The following RELN variants were observed in gnomAD, a reference collection of about 807,000 sequenced individuals.
RELN encodes the protein reelin.
In RELN, 108 loss-of-function variants were observed where a neutral mutation model predicts 427.6. That is an observed-to-expected ratio of 0.25 (90% CI 0.22 to 0.30). The LOEUF is 0.30. Ranked by LOEUF, RELN falls within the 10% of genes least tolerant of loss-of-function variation. The pLI, the probability that RELN is intolerant of heterozygous loss-of-function variation, is 1.00. For synonymous variants in RELN, 1,524 were observed against 1,513.4 expected, an observed-to-expected ratio of 1.01 and a Z score of -0.16; for missense variants, 3,715 against 4,302.8, an observed-to-expected ratio of 0.86 and a Z score of 3.82.
chr7:103,610,899 G>C, intron 21 of RELN, 92 bp from the exon 22 acceptor site: 1 of 755,320 alleles, frequency 1.3e-6, no homozygotes, highest in Non-Finnish European at 2.4e-6. Context: ...AAAGACCTCA[G>C]AGAAATCTAA....
intron 2 of RELN, among the ~76,000 whole-genome samples, chr7:103,888,245 AT>A (rs141773120): frequency 0.47 from 55,448 of 117,432 alleles, 10,409 homozygotes; most frequent in East Asian, 0.54. Flanking sequence ...AGAAAAAAAA[AT>A]ATATATATAT....
At chr7:103,979,453 A>G (rs972398117) in intron 1 of RELN, among the ~76,000 whole-genome samples, 3 of 152,242 alleles carry the variant, frequency 2.0e-5, no homozygotes, top group Non-Finnish European at 4.4e-5. Context: ...AGGGCTGGAA[A>G]GGATGCTTAG....
intron 1 of RELN, among the ~76,000 whole-genome samples, chr7:103,960,603 T>C (rs1325604098): frequency 6.6e-6 from 1 of 152,210 alleles, no homozygotes; most frequent in Non-Finnish European, 1.5e-5. Context: ...AATGAATGGA[T>C]AGAATTCTCT....
In RELN at chr7:103,482,957, T is replaced by G. The variant is rs770478716; in HGVS notation, c.10196A>C (p.Lys3399Thr). 1 of 1,614,058 alleles carries G rather than the reference T, an allele frequency of 6.2e-7. No homozygotes were observed. The highest frequency in any genetic ancestry group is 8.5e-7 in the Non-Finnish European group (1 of 1,180,000). ...TTGCCACCAGCGCAGTAAGACTCCT[T>G]TCATCCGTGCCTCCCTGGGTCACAC... is the stretch of plus-strand genomic sequence containing the variant. ...SYNVPLEARM[K>T]GVLLRWWQPR... is the part of the protein sequence containing the mutation. The change falls in exon 63 of 65, where the codon AAA becomes ACA. Residue 3399 changes from lysine to threonine, a missense_variant. Lys to Thr is a moderately conservative substitution (Grantham distance 78). Around this residue, in one of 4 missense-constraint regions of RELN, gnomAD observed 195 missense variants for 281.3 expected, o/e 0.69. Coordinates refer to ENST00000428762, the MANE Select transcript of RELN (RefSeq NM_005045.4).
chr7:103,900,854 A>G (rs1003544806), intron 2 of RELN, among the ~76,000 whole-genome samples: 1 of 152,170 alleles, frequency 6.6e-6, no homozygotes, highest in Non-Finnish European at 1.5e-5. Context: ...AGATGGATCA[A>G]AAACTTAAAT....
intron 3 of RELN, among the ~76,000 whole-genome samples, chr7:103,826,997 CTTT>C (rs201344580): frequency 1.1e-4 from 14 of 130,750 alleles, no homozygotes; most frequent in Non-Finnish European, 1.3e-4. Flanking sequence ...TTTGCTATAG[CTTT>C]TTTTTTTTTT....
At chr7:103,619,555 C>T (rs1002423819) in intron 20 of RELN, among the ~76,000 whole-genome samples, 2 of 152,184 alleles carry the variant, frequency 1.3e-5, no homozygotes, top group African/African-American at 4.8e-5. Context: ...TTGGTGAGAT[C>T]ATGGTTTCAA....
At chr7:103,868,829 T>G (rs1329606546) in intron 2 of RELN, among the ~76,000 whole-genome samples, 2 of 152,132 alleles carry the variant, frequency 1.3e-5, no homozygotes, top group Non-Finnish European at 2.9e-5. Context: ...ATCTTTGTAA[T>G]AACCTTTGTC....
At chr7:103,775,300 A>G (rs1791710460) in intron 4 of RELN, among the ~76,000 whole-genome samples, 1 of 152,172 alleles carries the variant, frequency 6.6e-6, no homozygotes, top group Non-Finnish European at 1.5e-5. Flanking sequence ...CAGGATAAAA[A>G]TCTGTTAAAC....
chr7:103,752,557 CA>C (rs56659447), intron 5 of RELN, among the ~76,000 whole-genome samples: 49,100 of 151,486 alleles, frequency 0.32, 9,899 homozygotes, highest in African/African-American at 0.58. Context: ...TCCAGGTGCA[CA>C]ACCACCACAC....
chr7:103,713,871 A>G (rs1339363730), intron 8 of RELN, among the ~76,000 whole-genome samples: 1 of 152,196 alleles, frequency 6.6e-6, no homozygotes, highest in African/African-American at 2.4e-5. Flanking sequence ...AGCACTGTAG[A>G]AAAATGATTA....
At position 103,593,589 on chromosome 7, in the gene RELN, T is replaced by C. The variant is rs752075588; in HGVS notation, c.3912+93A>G. 21 of 1,098,678 alleles carry C rather than the reference T, an allele frequency of 1.9e-5. No homozygotes were observed. In the East Asian group the frequency reaches 3.8e-4, roughly 20 times the overall value. 68.1% of individuals were successfully genotyped at this position (1,098,678 alleles called of 1,614,324 possible). A position where few individuals can be genotyped will look rare whatever the true frequency, so the allele number is the denominator to read the frequency against. ...GGTGAGTCCCTTCTTTAATAGAATATGAAAAATTTGTGTTCTTTGTGAGTT... is the reference window on the plus strand; with the variant it reads ...GGTGAGTCCCTTCTTTAATAGAATACGAAAAATTTGTGTTCTTTGTGAGTT... On this transcript the variant is annotated intron_variant, in intron 27 of 64. Coordinates refer to ENST00000428762, the MANE Select transcript of RELN (RefSeq NM_005045.4).
At chr7:103,673,564 T>TAGTA (rs1833441812) in intron 11 of RELN, among the ~76,000 whole-genome samples, 2 of 152,204 alleles carry the variant, frequency 1.3e-5, no homozygotes, top group Non-Finnish European at 2.9e-5. Context: ...TTCTTGAATA[T>TAGTA]CTCATCTTCC....
chr7:103,745,101 C>T (rs954369776), intron 6 of RELN, among the ~76,000 whole-genome samples: 2 of 152,098 alleles, frequency 1.3e-5, no homozygotes, highest in African/African-American at 4.8e-5. Context: ...GGATGCAAGG[C>T]TGGTTCAATA....
intron 11 of RELN, among the ~76,000 whole-genome samples, chr7:103,675,377 A>G (rs1026500328): frequency 2.6e-5 from 4 of 152,208 alleles, no homozygotes; most frequent in African/African-American, 7.2e-5. Context: ...ACTGCTCAAC[A>G]AAATAAAAGA....
At chr7:103,903,538 C>T (rs1442600159) in intron 2 of RELN, among the ~76,000 whole-genome samples, 1 of 152,090 alleles carries the variant, frequency 6.6e-6, no homozygotes, top group African/African-American at 2.4e-5. Flanking sequence ...CTCACAAATA[C>T]ATTTTTAACA....
intron 17 of RELN, among the ~76,000 whole-genome samples, chr7:103,637,371 G>A (rs1438507042): frequency 2.0e-5 from 3 of 152,140 alleles, no homozygotes; most frequent in Admixed American, 6.5e-5. Flanking sequence ...TCTGAAACAA[G>A]CCTTTACAAA....
chr7:103,916,330 T>G lies in RELN; in HGVS notation c.337+745A>C, dbSNP rs138544595. Among the ~76,000 whole-genome samples the G allele has an allele frequency of 8.5e-5, 13 of 152,336 alleles. No homozygotes were observed. In the East Asian group the frequency reaches 1.9e-3, roughly 23 times the overall value. On this transcript the variant is annotated intron_variant, in intron 2 of 64. Coordinates refer to ENST00000428762, the MANE Select transcript of RELN (RefSeq NM_005045.4). ...ATTCTATCCTTCTCACATCTATAGA[T>G]GAAGTCCTGTGTAATCTTTCAATTT...
Position 103,654,109 on chromosome 7 carries a change from G to C in RELN, c.1538C>G (p.Ser513Cys). The stretch of plus-strand genomic sequence containing the variant: ...CATGTGTACCTTATATGAGGAATAG[G>C]AAAGGGTATCCAGTGTTATATGCTC... The part of the protein sequence containing the change: ...RKEHITLDTL[S>C]YSSYKVPSLV... The change falls in exon 13 of 65, where the codon TCC becomes TGC. Residue 513 changes from serine (S) to cysteine (C), a missense_variant. Coordinates refer to ENST00000428762, the MANE Select transcript of RELN (RefSeq NM_005045.4). 1 of 1,581,454 alleles carries C rather than the reference G, an allele frequency of 6.3e-7. No homozygotes were observed. The highest frequency in any genetic ancestry group is 8.7e-7 in the Non-Finnish European group (1 of 1,150,878).
Sources: allele counts gnomAD v4.1 joint callset (sites outside exome capture counted in the v4.1 genomes callset), GRCh38; gene constraint gnomAD v4.1.1; regional missense constraint gnomAD v4.1.1; transcripts MANE v1.5; gene names NCBI Gene and HGNC (gene_info 2026-07-23, HGNC 2026-07-21).